TMEM267: variants seen among roughly 807,000 people sequenced by gnomAD.
The protein encoded by TMEM267 is transmembrane protein 267.
TMEM267 carries 20 observed loss-of-function variants against 19.3 expected under a neutral mutation model. The observed-to-expected ratio is 1.04, with a 90% CI of 0.73 to 1.51. The LOEUF (loss-of-function observed/expected upper bound fraction) is 1.51, where lower values mean the gene tolerates loss of function less well. Ranked by LOEUF, TMEM267 falls within the 40% of genes most tolerant of loss-of-function variation. The probability of loss-of-function intolerance (pLI) is 0.00; values close to 1 mark genes in which losing one functional copy is unlikely to be tolerated. For synonymous variants in TMEM267, 88 were observed against 90.3 expected (o/e 0.97, Z 0.15); for missense variants, 242 against 261.9 (o/e 0.92, Z 0.52).
At chr5:43,475,640 A>G (rs955679641) in intron 1 of TMEM267, among the ~76,000 whole-genome samples, 14 of 152,206 alleles carry the variant, frequency 9.2e-5, no homozygotes, top group Non-Finnish European at 2.1e-4. Flanking sequence ...GTATCATTAC[A>G]TTATCAGGAA....
At chr5:43,475,581 CA>C (rs1744366328) in intron 1 of TMEM267, among the ~76,000 whole-genome samples, 1 of 151,698 alleles carries the variant, frequency 6.6e-6, no homozygotes, top group Non-Finnish European at 1.5e-5. Context: ...CGGTTTTAAT[CA>C]ATGTAATGAG....
At chr5:43,468,547 T>G (rs922845643) in intron 1 of TMEM267, among the ~76,000 whole-genome samples, 2 of 152,206 alleles carry the variant, frequency 1.3e-5, no homozygotes, top group African/African-American at 2.4e-5. Context: ...TGATGTCTTA[T>G]GTCTCCCTAA....
At chr5:43,452,980 ATCT>A (rs1206255965) in intron 2 of TMEM267, among the ~76,000 whole-genome samples, 3 of 152,184 alleles carry the variant, frequency 2.0e-5, no homozygotes, top group Non-Finnish European at 4.4e-5. Context: ...ATATAGGCAA[ATCT>A]TCTGACATTT....
chr5:43,463,555 A>G (rs1743413706), intron 1 of TMEM267, among the ~76,000 whole-genome samples: 1 of 152,166 alleles, frequency 6.6e-6, no homozygotes, highest in Non-Finnish European at 1.5e-5. Flanking sequence ...ATACTGGCAA[A>G]CCGAATCCAG....
At chr5:43,464,406 A>T (rs1305056971) in intron 1 of TMEM267, among the ~76,000 whole-genome samples, 2 of 152,204 alleles carry the variant, frequency 1.3e-5, no homozygotes, top group Non-Finnish European at 2.9e-5. Context: ...ATTCAATGCC[A>T]TCCCTATCAA....
intron 1 of TMEM267, among the ~76,000 whole-genome samples, chr5:43,478,635 A>T (rs1180118632): frequency 6.6e-6 from 1 of 152,198 alleles, no homozygotes; most frequent in African/African-American, 2.4e-5. Flanking sequence ...CATTTATGAC[A>T]GAGAAAGATT....
At chr5:43,477,197 C>A (rs141936914) in intron 1 of TMEM267, among the ~76,000 whole-genome samples, 1 of 151,868 alleles carries the variant, frequency 6.6e-6, no homozygotes, top group South Asian at 2.1e-4. Context: ...GTCTGAAAAA[C>A]AACAACAACA....
chr5:43,468,693 G>A (rs1743896433), intron 1 of TMEM267, among the ~76,000 whole-genome samples: 1 of 152,080 alleles, frequency 6.6e-6, no homozygotes, highest in African/African-American at 2.4e-5. Flanking sequence ...TCAAATTTTC[G>A]GGGTTCACAA....
intron 1 of TMEM267, among the ~76,000 whole-genome samples, chr5:43,456,756 A>G (rs13173517): frequency 0.014 from 2,115 of 152,324 alleles, 59 homozygotes; most frequent in East Asian, 0.13. Context: ...CCAGATGTTG[A>G]CAAAGATGTG....
chr5:43,452,071 C>T (rs571472321), intron 2 of TMEM267, among the ~76,000 whole-genome samples: 32 of 104,356 alleles, frequency 3.1e-4, no homozygotes, highest in African/African-American at 1.5e-3. Flanking sequence ...CAGCAAGACC[C>T]TATCTCAAAA....
intron 1 of TMEM267, among the ~76,000 whole-genome samples, chr5:43,471,893 T>C (rs1744100718): frequency 6.6e-6 from 1 of 152,192 alleles, no homozygotes; most frequent in African/African-American, 2.4e-5. Flanking sequence ...CAAAAATTTC[T>C]TGACCAATAT....
chr5:43,466,357 G>A (rs1743673031), intron 1 of TMEM267, among the ~76,000 whole-genome samples: 1 of 152,146 alleles, frequency 6.6e-6, no homozygotes, highest in Admixed American at 6.5e-5. Context: ...CATCTTAAAA[G>A]TGCTGAAGGA....
chr5:43,451,453 C>T lies in TMEM267; in HGVS notation c.312+2205G>A, dbSNP rs952386225. 3.4e-4 allele frequency among the ~76,000 whole-genome samples: 52 copies of T among 152,082 alleles called. 1 individual carries two copies. The highest frequency in any genetic ancestry group is 3.4e-3 in the Admixed American group (52 of 15,250). Reference sequence around the variant, plus strand: ...AAAGTGGGCAAAGGACATGAACAGACATTTTTCAAAAGAAGACACAGAAGC... The same window carrying T: ...AAAGTGGGCAAAGGACATGAACAGATATTTTTCAAAAGAAGACACAGAAGC... On this transcript the variant is annotated intron_variant, in intron 2 of 2. Transcript: ENST00000397080.
intron 1 of TMEM267, among the ~76,000 whole-genome samples, chr5:43,480,201 T>C (rs762818075): frequency 2.0e-5 from 3 of 152,112 alleles, no homozygotes; most frequent in Non-Finnish European, 4.4e-5. Context: ...TTAGCCCTAA[T>C]GAGAAAGAAG....
intron 1 of TMEM267, 40 bp downstream of exon 1, chr5:43,483,782 C>T (rs1428604270): frequency 6.6e-6 from 1 of 152,524 alleles, no homozygotes; most frequent in Non-Finnish European, 1.5e-5. Context: ...CCACCCGGCC[C>T]CCTCCCCTCA....
At chr5:43,452,077 C>CAAAAAAAAAAAAAAAA (rs375224453) in intron 2 of TMEM267, among the ~76,000 whole-genome samples, 1 of 86,542 alleles carries the variant, frequency 1.2e-5, no homozygotes, top group Non-Finnish European at 2.2e-5. Context: ...GACCCTATCT[C>CAAAAAAAAAAAAAAAA]AAAAAAAAAA....
At chr5:43,463,138 C>T (rs1360785088) in intron 1 of TMEM267, among the ~76,000 whole-genome samples, 1 of 152,160 alleles carries the variant, frequency 6.6e-6, no homozygotes, top group Non-Finnish European at 1.5e-5. Flanking sequence ...ATACAAACTA[C>T]CATCAGAGAA....
intron 1 of TMEM267, among the ~76,000 whole-genome samples, chr5:43,469,409 A>C (rs981894937): frequency 1.3e-5 from 2 of 152,242 alleles, no homozygotes; most frequent in South Asian, 2.1e-4. Context: ...AAGATCACTC[A>C]TCATGACTAA....
chr5:43,460,277 T>C (rs1244010302), intron 1 of TMEM267, among the ~76,000 whole-genome samples: 1 of 152,148 alleles, frequency 6.6e-6, no homozygotes, highest in African/African-American at 2.4e-5. Flanking sequence ...GCCATGAACC[T>C]GTACTGGTCC....
Sources: allele counts gnomAD v4.1 joint callset (sites outside exome capture counted in the v4.1 genomes callset), GRCh38; gene constraint gnomAD v4.1.1; transcripts MANE v1.5; gene names NCBI Gene and HGNC (gene_info 2026-07-23, HGNC 2026-07-21).